Variants in GANC observed in about 807,000 individuals in gnomAD.
GANC encodes glucosidase alpha, neutral C, also known as neutral alpha-glucosidase C.
In GANC, 117 loss-of-function variants were observed where a neutral mutation model predicts 124.2. That is an observed-to-expected ratio of 0.94 (90% CI 0.81 to 1.10). The LOEUF is 1.10. Ranked by LOEUF, GANC falls within the 50% of genes least tolerant of loss-of-function variation. The probability of loss-of-function intolerance (pLI) is 0.00; values close to 1 mark genes in which losing one functional copy is unlikely to be tolerated. For missense variants in GANC, 1,140 were observed against 1,095.0 expected, an observed-to-expected ratio of 1.04 and a Z score of -0.58; for synonymous variants, 377 against 376.8, an observed-to-expected ratio of 1.00 and a Z score of -0.01.
At chr15:42,330,263 C>T (rs1263038343) in intron 14 of GANC, among the ~76,000 whole-genome samples, 1 of 152,168 alleles carries the variant, frequency 6.6e-6, no homozygotes, top group Non-Finnish European at 1.5e-5. Context: ...AACTGTCTGT[C>T]TCAGAGGTTG....
rs375438750 is a variant in GANC, at chr15:42,278,459, A to G, written c.93-23A>G. On this transcript the variant is annotated intron_variant, in intron 2 of 23. Transcript: ENST00000318010. ...TGACAATCACAAATAATTATCAAGC[A>G]TCTGCATACTCCGTATCTATAGGCG... 6 of 1,454,174 alleles carry G rather than the reference A, an allele frequency of 4.1e-6. No homozygotes were observed. In the African/African-American group the frequency reaches 7.0e-5, roughly 17 times the overall value. 90.1% of individuals were successfully genotyped at this position (1,454,174 alleles called of 1,614,324 possible). A position where few individuals can be genotyped will look rare whatever the true frequency, so the allele number is the denominator to read the frequency against.
rs573078200 is a variant in GANC at position 42,276,275 on chromosome 15, G to A, written c.30-73G>A. 14 of 737,268 alleles carry A rather than the reference G, an allele frequency of 1.9e-5. No homozygotes were observed. In the East Asian group the frequency reaches 2.3e-4, roughly 12 times the overall value. The allele number at this position is 737,268 out of a possible 1,614,324, so 45.7% of individuals were successfully genotyped here. ...GTTTATTTTGCATGTTCATACTGTC[G>A]TTAGAGAAGGTACAAAAGTTGGATT... On this transcript the variant is annotated intron_variant, in intron 1 of 23. Coordinates refer to ENST00000318010, the MANE Select transcript of GANC (RefSeq NM_198141.3).
intron 10 of GANC, among the ~76,000 whole-genome samples, chr15:42,318,424 TCTTTTA>T (rs2052128083): frequency 6.6e-6 from 1 of 152,258 alleles, no homozygotes; most frequent in South Asian, 2.1e-4. Context: ...TGAAGGCATT[TCTTTTA>T]CTGTCTTCTA....
intron 6 of GANC, among the ~76,000 whole-genome samples, chr15:42,298,014 G>T (rs1199442711): frequency 1.3e-5 from 2 of 152,174 alleles, no homozygotes; most frequent in Non-Finnish European, 1.5e-5. Context: ...TTACAAGCAT[G>T]AGGAGTGTTA....
At chr15:42,330,843 A>G (rs906072792) in intron 15 of GANC, among the ~76,000 whole-genome samples, 171 bp downstream of exon 15, 1 of 130,422 alleles carries the variant, frequency 7.7e-6, no homozygotes, top group Admixed American at 9.2e-5. Context: ...GCTGGAGTGC[A>G]GTGGCACAGT....
At chr15:42,309,179 G>A (rs2052026826) in intron 8 of GANC, among the ~76,000 whole-genome samples, 1 of 152,144 alleles carries the variant, frequency 6.6e-6, no homozygotes, top group Non-Finnish European at 1.5e-5. Context: ...GCCAGGTTCA[G>A]GTGCTGTTTA....
intron 17 of GANC, among the ~76,000 whole-genome samples, chr15:42,340,169 A>G (rs1260601124): frequency 6.6e-6 from 1 of 152,244 alleles, no homozygotes; most frequent in African/African-American, 2.4e-5. Flanking sequence ...AGATATTTCA[A>G]AGAAAAAGGA....
intron 6 of GANC, 66 bp from the exon 7 acceptor site, chr15:42,306,480 G>A: frequency 8.3e-7 from 1 of 1,203,206 alleles, no homozygotes; most frequent in South Asian, 1.3e-5. Context: ...AATAAAATGA[G>A]CTATTGTGGT....
chr15:42,305,048 T>TG (rs138626238), intron 6 of GANC, among the ~76,000 whole-genome samples: 148,857 of 152,230 alleles, frequency 0.98, 72,842 homozygotes, highest in Non-Finnish European at 1. Context: ...ACATAAGAAA[T>TG]GGAAAAGACT....
At chr15:42,297,735 TC>T (rs2051905170) in intron 6 of GANC, 79 bp downstream of exon 6, 5 of 1,050,352 alleles carry the variant, frequency 4.8e-6, no homozygotes, top group Middle Eastern at 2.1e-4. Flanking sequence ...TTCTCTTTCT[TC>T]CTTCTACAGA....
chr15:42,289,384 C>G (rs13380340), intron 4 of GANC, among the ~76,000 whole-genome samples: 2,539 of 152,242 alleles, frequency 0.017, 74 homozygotes, highest in African/African-American at 0.059. Context: ...TCTGATAACT[C>G]AACTTCCTGA....
chr15:42,331,150 G>A (rs2052242066), intron 15 of GANC, among the ~76,000 whole-genome samples: 1 of 152,156 alleles, frequency 6.6e-6, no homozygotes, highest in Non-Finnish European at 1.5e-5. Flanking sequence ...GTAGACAGTG[G>A]TATGCCCTAA....
intron 1 of GANC, among the ~76,000 whole-genome samples, chr15:42,274,952 T>G (rs1197422983): frequency 6.6e-6 from 1 of 152,144 alleles, no homozygotes; most frequent in African/African-American, 2.4e-5. Flanking sequence ...CAATCAGAAC[T>G]CTTAACACGT....
intron 3 of GANC, among the ~76,000 whole-genome samples, chr15:42,286,927 A>T (rs772027397): frequency 4.6e-5 from 7 of 152,230 alleles, no homozygotes; most frequent in Non-Finnish European, 1.0e-4. Flanking sequence ...ATGGCCCACC[A>T]GTTGAAAACC....
chr15:42,303,376 A>G (rs2141037641), intron 6 of GANC, among the ~76,000 whole-genome samples: 1 of 152,334 alleles, frequency 6.6e-6, no homozygotes, highest in East Asian at 1.9e-4. Context: ...GGAAAGGAAA[A>G]ATCAGCCCTA....
At chr15:42,300,469 T>G (rs898118634) in intron 6 of GANC, among the ~76,000 whole-genome samples, 1 of 152,026 alleles carries the variant, frequency 6.6e-6, no homozygotes, top group African/African-American at 2.4e-5. Context: ...CTGGCGAGGC[T>G]TTGGAGAAAT....
intron 4 of GANC, among the ~76,000 whole-genome samples, chr15:42,291,634 T>A (rs760706760): frequency 3.3e-5 from 5 of 152,278 alleles, no homozygotes; most frequent in Admixed American, 2.6e-4. Flanking sequence ...ATGGTCTCCC[T>A]GATTTCAGTG....
chr15:42,339,589 G>A (rs542210852), intron 16 of GANC, 80 bp from the exon 17 acceptor site: 36 of 1,527,884 alleles, frequency 2.4e-5, no homozygotes, highest in African/African-American at 1.8e-4. Context: ...TTCTCCTGTC[G>A]GTCTTCAAGA....
intron 10 of GANC, among the ~76,000 whole-genome samples, chr15:42,316,034 A>G (rs1401055852): frequency 1.3e-5 from 2 of 152,076 alleles, no homozygotes; most frequent in African/African-American, 2.4e-5. Flanking sequence ...TATAAATCCT[A>G]TTAATTCTGT....
Sources: allele counts gnomAD v4.1 joint callset (sites outside exome capture counted in the v4.1 genomes callset), GRCh38; gene constraint gnomAD v4.1.1; transcripts MANE v1.5; gene names NCBI Gene and HGNC (gene_info 2026-07-23, HGNC 2026-07-21).